HPSE2: variants seen among roughly 807,000 people sequenced by gnomAD.
HPSE2 encodes the protein inactive heparanase-2.
HPSE2 carries 38 observed loss-of-function variants against 60.5 expected under a neutral mutation model. That is an observed-to-expected ratio of 0.63 (90% CI 0.48 to 0.82). HPSE2 has a LOEUF of 0.82. Among genes scored for constraint, HPSE2 ranks in the 40% least tolerant of loss-of-function variants. HPSE2 has a pLI of 0.00. For missense variants in HPSE2, 713 were observed against 740.4 expected (o/e 0.96, Z 0.43); for synonymous variants, 295 against 293.2 (o/e 1.01, Z -0.06).
chr10:99,291,993 A>AAAT, the HPSE2 span, among the ~76,000 whole-genome samples: 1 of 152,192 alleles, frequency 6.6e-6, no homozygotes, highest in Non-Finnish European at 1.5e-5. Flanking sequence ...GGCAAGCTCC[A>AAAT]TTCCCCTCCA....
At chr10:99,060,772 A>C (rs551614102) in intron 3 of HPSE2, among the ~76,000 whole-genome samples, 5 of 152,258 alleles carry the variant, frequency 3.3e-5, no homozygotes, top group African/African-American at 1.2e-4. Flanking sequence ...AGCCATAAAA[A>C]GAATGAGATC....
the HPSE2 span, among the ~76,000 whole-genome samples, chr10:99,252,671 T>C: frequency 1.3e-5 from 2 of 151,874 alleles, no homozygotes; most frequent in Non-Finnish European, 2.9e-5. Flanking sequence ...AGTCAGGAGA[T>C]CGAGACCATC....
At chr10:98,552,387 T>A (rs1265759136) in intron 9 of HPSE2, among the ~76,000 whole-genome samples, 1 of 152,086 alleles carries the variant, frequency 6.6e-6, no homozygotes. Flanking sequence ...CTTAGAACTG[T>A]GCCTGGCACA....
the HPSE2 span, among the ~76,000 whole-genome samples, chr10:99,307,866 AC>A: frequency 6.6e-6 from 1 of 151,694 alleles, no homozygotes; most frequent in South Asian, 2.1e-4. Flanking sequence ...ACACACACAC[AC>A]AAATGGCTAC....
intron 2 of HPSE2, among the ~76,000 whole-genome samples, chr10:99,202,955 C>A (rs937864763): frequency 1.2e-4 from 18 of 152,198 alleles, no homozygotes; most frequent in Non-Finnish European, 2.6e-4. Flanking sequence ...AGTGAGCAAT[C>A]CGACTTTGCC....
intron 3 of HPSE2, among the ~76,000 whole-genome samples, chr10:99,118,938 C>T (rs956741458): frequency 1.3e-5 from 2 of 151,598 alleles, no homozygotes; most frequent in Non-Finnish European, 2.9e-5. Context: ...CTCACTGGAA[C>T]CTGGGAGGTG....
At chr10:98,810,925 C>A (rs1951156432) in intron 3 of HPSE2, among the ~76,000 whole-genome samples, 1 of 152,022 alleles carries the variant, frequency 6.6e-6, no homozygotes, top group African/African-American at 2.4e-5. Context: ...TAGCTGTGAG[C>A]AGGAAGGCAG....
chr10:98,695,335 A>G lies in HPSE2; in HGVS notation c.957-1388T>C, dbSNP rs552974193. 2.6e-5 allele frequency among the ~76,000 whole-genome samples: 4 copies of G among 152,262 alleles called. No individual in the cohort carries two copies. The East Asian group carries it at 7.8e-4, about 30-fold the overall frequency. The stretch of plus-strand genomic sequence containing the variant: ...GAAGCCCTGGCTTGGCCTTTGGCTG[A>G]ACGGTTTTGCCTTTCTTTCTCCAGT... On this transcript the variant is annotated intron_variant, in intron 5 of 11. Transcript: ENST00000370552.
the HPSE2 span, among the ~76,000 whole-genome samples, chr10:99,282,072 A>C: frequency 6.6e-6 from 1 of 152,136 alleles, no homozygotes; most frequent in Non-Finnish European, 1.5e-5. Context: ...ATCCTGGCTA[A>C]CAAGGTGAAA....
chr10:98,800,504 CAT>C (rs1163847343), intron 3 of HPSE2, among the ~76,000 whole-genome samples: 13 of 146,530 alleles, frequency 8.9e-5, no homozygotes, highest in Admixed American at 2.7e-4. Flanking sequence ...ATAAATATAA[CAT>C]ATATAATAAA....
At chr10:99,177,035 A>G (rs1448517998) in intron 2 of HPSE2, among the ~76,000 whole-genome samples, 4 of 152,220 alleles carry the variant, frequency 2.6e-5, no homozygotes, top group African/African-American at 9.7e-5. Flanking sequence ...TGCAGAAGTG[A>G]AGAAGAAATA....
chr10:99,177,109 C>T (rs553829962), intron 2 of HPSE2, among the ~76,000 whole-genome samples: 1 of 152,144 alleles, frequency 6.6e-6, no homozygotes, highest in Admixed American at 6.6e-5. Context: ...CTTACGAGAG[C>T]TCCTGAAGGA....
intron 2 of HPSE2, among the ~76,000 whole-genome samples, chr10:99,148,357 T>C (rs1846131927): frequency 6.6e-6 from 1 of 152,016 alleles, no homozygotes; most frequent in Admixed American, 6.6e-5. Flanking sequence ...CAATAAAGAG[T>C]ACCTATAATT....
intron 3 of HPSE2, among the ~76,000 whole-genome samples, chr10:99,116,615 C>T (rs1236205180): frequency 6.6e-6 from 1 of 152,094 alleles, no homozygotes; most frequent in African/African-American, 2.4e-5. Flanking sequence ...CTACTCCGAA[C>T]CTGCCAACCT....
At chr10:99,269,614 T>TA in the HPSE2 span, among the ~76,000 whole-genome samples, 1 of 152,158 alleles carries the variant, frequency 6.6e-6, no homozygotes, top group Non-Finnish European at 1.5e-5. Flanking sequence ...AACTTAATGT[T>TA]ACGCTAGAAC....
At chr10:98,827,982 T>C (rs1294498604) in intron 3 of HPSE2, among the ~76,000 whole-genome samples, 1 of 152,172 alleles carries the variant, frequency 6.6e-6, no homozygotes, top group East Asian at 1.9e-4. Context: ...GTTGAAAGCT[T>C]CAATTTGAAA....
chr10:99,194,111 A>T (rs1438587458), intron 2 of HPSE2, among the ~76,000 whole-genome samples: 1 of 152,124 alleles, frequency 6.6e-6, no homozygotes, highest in Non-Finnish European at 1.5e-5. Flanking sequence ...CTAGAAATTA[A>T]TAATAAGAGA....
At chr10:99,092,971 C>T (rs1260477714) in intron 3 of HPSE2, among the ~76,000 whole-genome samples, 2 of 152,160 alleles carry the variant, frequency 1.3e-5, no homozygotes, top group East Asian at 3.9e-4. Flanking sequence ...TGGCTCACGC[C>T]TATAATCACA....
At chr10:99,222,347 T>C (rs1849342344) in intron 2 of HPSE2, among the ~76,000 whole-genome samples, 1 of 152,144 alleles carries the variant, frequency 6.6e-6, no homozygotes, top group Non-Finnish European at 1.5e-5. Context: ...TAAGTGTCTA[T>C]AGCTGTGTTC....
Sources: allele counts gnomAD v4.1 joint callset (sites outside exome capture counted in the v4.1 genomes callset), GRCh38; gene constraint gnomAD v4.1.1; transcripts MANE v1.5; gene names NCBI Gene and HGNC (gene_info 2026-07-23, HGNC 2026-07-21).